FGF9: variants seen among roughly 807,000 people sequenced by gnomAD.
The protein encoded by FGF9 is fibroblast growth factor 9.
In FGF9, 3 loss-of-function variants were observed where a neutral mutation model predicts 19.9. The observed-to-expected ratio is 0.15, with a 90% CI of 0.07 to 0.39. FGF9 has a LOEUF of 0.39. Ranked by LOEUF, FGF9 falls within the 10% of genes least tolerant of loss-of-function variation. FGF9 has a pLI of 1.00. For missense variants in FGF9, 175 were observed against 256.8 expected, an observed-to-expected ratio of 0.68 and a Z score of 2.18; for synonymous variants, 107 against 106.9, an observed-to-expected ratio of 1.00 and a Z score of -0.01.
At chr13:21,693,179 A>C (rs1164778266) in intron 2 of FGF9, among the ~76,000 whole-genome samples, 1 of 152,164 alleles carries the variant, frequency 6.6e-6, no homozygotes, top group Non-Finnish European at 1.5e-5. Context: ...AGCCCACCAC[A>C]GTGTTGAGGA....
chr13:21,671,465 G>A lies in FGF9; in HGVS notation c.-448G>A, dbSNP rs900839325. 15 of 434,618 alleles carry A rather than the reference G, an allele frequency of 3.5e-5. No individual in the cohort carries two copies. The highest frequency in any genetic ancestry group is 6.1e-5 in the Non-Finnish European group (15 of 247,554). 26.9% of individuals were successfully genotyped at this position (434,618 alleles called of 1,614,324 possible). On this transcript the variant is annotated 5_prime_UTR_variant, in exon 1 of 3. Transcript: ENST00000382353. ...GCATGCCTTCCTGGAGTCAGGATCC[G>A]TAAATTCTGACGTAGCCCGTGCATC... is the stretch of plus-strand genomic sequence containing the variant.
rs17840915 is a variant in FGF9, at chr13:21,698,943, G to A, written c.382-2247G>A. On this transcript the variant is annotated intron_variant, in intron 2 of 2. Coordinates refer to ENST00000382353, the MANE Select transcript of FGF9 (RefSeq NM_002010.3). ...AAATTTCACTTAATTACAGCAAACCGAAACCAGCTATTTTTAGCCAGGAAT... is the reference window on the plus strand; with the variant it reads ...AAATTTCACTTAATTACAGCAAACCAAAACCAGCTATTTTTAGCCAGGAAT... Among the ~76,000 whole-genome samples the A allele has an allele frequency of 9.3e-3, 1,423 of 152,256 alleles. 26 individuals carry two copies. Among genetic ancestry groups the A allele is most frequent in the African/African-American group, 0.033 (1,365 of 41,538 alleles).
At position 21,693,185 on chromosome 13, in the gene FGF9, G is replaced by A. The variant is rs188155482; in HGVS notation, c.382-8005G>A. ...ATTAGACATAGCCCACCACAGTGTT[G>A]AGGAGGGGAAGGGCCATTTCTATTA... On this transcript the variant is annotated intron_variant, in intron 2 of 2. Coordinates refer to ENST00000382353, the MANE Select transcript of FGF9 (RefSeq NM_002010.3). Among the ~76,000 whole-genome samples the A allele has an allele frequency of 1.1e-4, 16 of 152,326 alleles. No individual in the cohort carries two copies. In the South Asian group the frequency reaches 2.1e-3, roughly 20 times the overall value.
At chr13:21,684,181 T>G (rs1872105221) in intron 2 of FGF9, among the ~76,000 whole-genome samples, 1 of 152,242 alleles carries the variant, frequency 6.6e-6, no homozygotes, top group Admixed American at 6.5e-5. Flanking sequence ...CCAGTTCTAA[T>G]CCTATTTATT....
rs17070252 is a variant in FGF9, at chr13:21,681,575, A to C, written c.381+430A>C. ...CAAGATTTTCATTATGCAGAGAAGA[A>C]GGGAGATGGAAATTGTTGTCAGATA... On this transcript the variant is annotated intron_variant, in intron 2 of 2. Coordinates refer to ENST00000382353, the MANE Select transcript of FGF9 (RefSeq NM_002010.3). Among the ~76,000 whole-genome samples the C allele has an allele frequency of 4.3e-3, 649 of 152,370 alleles. 7 individuals carry two copies. The highest frequency in any genetic ancestry group is 0.015 in the African/African-American group (621 of 41,582).
In FGF9 at chr13:21,702,445, G is replaced by A. The variant is rs553726872; in HGVS notation, c.*1010G>A. 5.9e-5 allele frequency: 9 copies of A among 152,132 alleles called. No individual in the cohort carries two copies. The highest frequency in any genetic ancestry group is 1.0e-4 in the Non-Finnish European group (7 of 68,028). 9.4% of individuals were successfully genotyped at this position (152,132 alleles called of 1,614,324 possible). On this transcript the variant is annotated 3_prime_UTR_variant, in exon 3 of 3. Coordinates refer to ENST00000382353, the MANE Select transcript of FGF9 (RefSeq NM_002010.3). ...GTGACTCCACTATTGTAACTTCATG[G>A]TTGGAAAATATGAGGGTTGATATAT...
intron 1 of FGF9, among the ~76,000 whole-genome samples, chr13:21,677,136 G>A (rs531423419): frequency 6.6e-6 from 1 of 152,270 alleles, no homozygotes; most frequent in African/African-American, 2.4e-5. Flanking sequence ...AATGACAGCA[G>A]TCATCGACCC....
rs150388219 is a variant in FGF9 at position 21,694,609 on chromosome 13, G to A, written c.382-6581G>A. On this transcript the variant is annotated intron_variant, in intron 2 of 2. Coordinates refer to ENST00000382353, the MANE Select transcript of FGF9 (RefSeq NM_002010.3). ...TTTTCAGCTTTTGCATATCTTTGAT[G>A]TGCATTTTAAGTGATCATTGAATTA... is the stretch of plus-strand genomic sequence containing the variant. Among the ~76,000 whole-genome samples, 14 of 152,206 alleles carry A rather than the reference G, an allele frequency of 9.2e-5. No homozygotes were observed. In the East Asian group the frequency reaches 2.7e-3, roughly 29 times the overall value.
chr13:21,698,043 C>T (rs944749188), intron 2 of FGF9, among the ~76,000 whole-genome samples: 1 of 152,110 alleles, frequency 6.6e-6, no homozygotes, highest in East Asian at 1.9e-4. Context: ...CTCCTGACCT[C>T]GTGATCCGCC....
intron 2 of FGF9, among the ~76,000 whole-genome samples, chr13:21,687,176 G>GT (rs1279100940): frequency 1.3e-5 from 2 of 152,186 alleles, no homozygotes; most frequent in East Asian, 1.9e-4. Context: ...ATTTGGGGCA[G>GT]TTTTTTCTGC....
intron 1 of FGF9, among the ~76,000 whole-genome samples, chr13:21,673,730 C>T (rs980538471): frequency 2.0e-5 from 3 of 151,526 alleles, no homozygotes; most frequent in African/African-American, 4.8e-5. Context: ...TCCGGGGCCG[C>T]GGCGGCCACC....
At chr13:21,688,187 G>C (rs921259293) in intron 2 of FGF9, among the ~76,000 whole-genome samples, 1 of 152,222 alleles carries the variant, frequency 6.6e-6, no homozygotes, top group African/African-American at 2.4e-5. Flanking sequence ...ACATGGCAAG[G>C]ACCACTCAGC....
At chr13:21,690,573 G>T (rs1029349243) in intron 2 of FGF9, among the ~76,000 whole-genome samples, 3 of 152,178 alleles carry the variant, frequency 2.0e-5, no homozygotes, top group African/African-American at 4.8e-5. Context: ...GAAATACGTT[G>T]ATCCTCATTG....
intron 2 of FGF9, among the ~76,000 whole-genome samples, chr13:21,686,446 CTT>C (rs1160297488): frequency 1.2e-4 from 19 of 152,302 alleles, no homozygotes; most frequent in Admixed American, 5.2e-4. Context: ...AGGAATTGAC[CTT>C]TTCTTTAAAA....
intron 1 of FGF9, among the ~76,000 whole-genome samples, chr13:21,677,049 A>ATGGT (rs1871932711): frequency 1.3e-5 from 2 of 152,150 alleles, no homozygotes; most frequent in Admixed American, 1.3e-4. Flanking sequence ...ATGATCTCAC[A>ATGGT]CCTCATCAAA....
rs541134996 is a variant in FGF9, at chr13:21,671,703, A to G, written c.-210A>G. 3 of 622,104 alleles carry G rather than the reference A, an allele frequency of 4.8e-6. No individual in the cohort carries two copies. The highest frequency in any genetic ancestry group is 5.4e-5 in the East Asian group (2 of 36,798). 38.5% of individuals were successfully genotyped at this position (622,104 alleles called of 1,614,324 possible). ...TGAGTATAAAGTGGTGGTTTCTTAG[A>G]CTATCAGTGGTTTGACCTTGAACCT... On this transcript the variant is annotated 5_prime_UTR_variant, in exon 1 of 3. Transcript: ENST00000382353.
intron 2 of FGF9, among the ~76,000 whole-genome samples, chr13:21,697,391 T>C (rs1353942965): frequency 6.6e-6 from 1 of 152,104 alleles, no homozygotes; most frequent in Non-Finnish European, 1.5e-5. Context: ...AAGTGATATT[T>C]CTGCTTGGGC....
intron 2 of FGF9, among the ~76,000 whole-genome samples, chr13:21,686,121 C>T (rs1261562287): frequency 1.3e-5 from 2 of 152,214 alleles, no homozygotes; most frequent in African/African-American, 4.8e-5. Flanking sequence ...GTGGCATGAT[C>T]TCAGCTCACT....
chr13:21,678,454 G>C (rs1043320812), intron 1 of FGF9, among the ~76,000 whole-genome samples: 2 of 152,206 alleles, frequency 1.3e-5, no homozygotes, highest in East Asian at 1.9e-4. Flanking sequence ...GTAATGCCTA[G>C]AGTTGTTCTG....
Sources: gnomAD v4.1 joint callset for allele counts (sites outside exome capture counted in the v4.1 genomes callset) on GRCh38, gnomAD v4.1.1 for gene constraint, MANE v1.5 for transcripts, NCBI Gene and HGNC (gene_info 2026-07-23, HGNC 2026-07-21) for gene names.